SLC9B1: variants seen among roughly 807,000 people sequenced by gnomAD.
SLC9B1 encodes the protein sodium/hydrogen exchanger 9B1.
A neutral mutation model predicts 51.7 loss-of-function variants in SLC9B1; 32 were observed. The ratio of observed to expected loss-of-function variants is 0.62; its 90% CI spans 0.47 to 0.83. SLC9B1 has a LOEUF of 0.83. Ranked by LOEUF, SLC9B1 falls within the 40% of genes least tolerant of loss-of-function variation. The pLI is 0.00. For synonymous variants in SLC9B1, 145 were observed against 212.7 expected (o/e 0.68, Z 2.77); for missense variants, 406 against 613.2 (o/e 0.66, Z 3.57).
chr4:102,946,034 T>C (rs1435664468), intron 5 of SLC9B1, among the ~76,000 whole-genome samples: 3 of 152,052 alleles, frequency 2.0e-5, no homozygotes, highest in African/African-American at 4.8e-5. Context: ...ATTACTGAAA[T>C]CCTTAATCTC....
At chr4:102,983,465 T>C (rs1052793725) in intron 3 of SLC9B1, among the ~76,000 whole-genome samples, 7 of 152,196 alleles carry the variant, frequency 4.6e-5, no homozygotes, top group African/African-American at 7.2e-5. Flanking sequence ...GAAAATTGTA[T>C]AATTTCATCC....
chr4:102,939,446 C>G (rs750693664), intron 6 of SLC9B1, among the ~76,000 whole-genome samples: 6 of 132,984 alleles, frequency 4.5e-5, no homozygotes, highest in Non-Finnish European at 9.5e-5. Context: ...CAGGACCCAA[C>G]AGATTCACAG....
chr4:102,915,851 GT>G (rs1735552146), intron 7 of SLC9B1, among the ~76,000 whole-genome samples: 1 of 152,136 alleles, frequency 6.6e-6, no homozygotes, highest in South Asian at 2.1e-4. Context: ...AAGTTAAGTT[GT>G]TGTCAATTTA....
chr4:102,940,261 C>CA (rs1033673435), intron 6 of SLC9B1, among the ~76,000 whole-genome samples: 13 of 152,102 alleles, frequency 8.5e-5, no homozygotes, highest in African/African-American at 2.9e-4. Context: ...ACAATAGCCA[C>CA]AAAAAAACTA....
Position 102,993,998 on chromosome 4 carries a change from T to C in SLC9B1, c.-1-2286A>G, listed in dbSNP as rs1051611343. 2.6e-5 allele frequency among the ~76,000 whole-genome samples: 4 copies of C among 152,080 alleles called. No individual in the cohort carries two copies. The South Asian group carries it at 8.3e-4, about 32-fold the overall frequency. On this transcript the variant is annotated intron_variant, in intron 1 of 11. Transcript: ENST00000296422. Reference sequence around the variant, plus strand: ...CACAAAGCCATTTTTCCCTCCTAGGTCTCCAGGCCTGTGATGGGAGGGGCT... The same window carrying C: ...CACAAAGCCATTTTTCCCTCCTAGGCCTCCAGGCCTGTGATGGGAGGGGCT...
At chr4:102,962,137 G>A (rs955024801) in intron 3 of SLC9B1, 14 of 445,480 alleles carry the variant, frequency 3.1e-5, no homozygotes, top group African/African-American at 2.4e-4. Context: ...GATATTCTGA[G>A]CTTGGCTATG....
downstream of SLC9B1, chr4:102,897,973 G>A (rs1734616439): frequency 5.2e-6 from 2 of 386,842 alleles, no homozygotes; most frequent in Non-Finnish European, 1.0e-5. Context: ...AAGAACCTTT[G>A]ACTTCCATGA....
At chr4:103,009,935 G>A (rs998416669) in intron 1 of SLC9B1, among the ~76,000 whole-genome samples, 2 of 151,988 alleles carry the variant, frequency 1.3e-5, no homozygotes, top group African/African-American at 4.8e-5. Flanking sequence ...TTAAGATAAT[G>A]ACTACCTAGT....
intron 3 of SLC9B1, among the ~76,000 whole-genome samples, chr4:102,966,922 A>G (rs1738460279): frequency 6.6e-6 from 1 of 152,060 alleles, no homozygotes; most frequent in Admixed American, 6.6e-5. Context: ...GCTGCTCTAT[A>G]TTTTGCTTAG....
chr4:102,885,980 T>C, intron 11 of SLC9B1, among the ~76,000 whole-genome samples: 1 of 152,216 alleles, frequency 6.6e-6, no homozygotes, highest in South Asian at 2.1e-4. Context: ...CTATAAGTAG[T>C]TGACAAAATC....
chr4:102,995,572 C>G (rs1359977904), intron 1 of SLC9B1, among the ~76,000 whole-genome samples: 2 of 152,096 alleles, frequency 1.3e-5, no homozygotes, highest in Admixed American at 1.3e-4. Flanking sequence ...AATAGATGCA[C>G]AGGTTAATAG....
rs775536136 is a variant in SLC9B1 at position 102,931,151 on chromosome 4, G to A, written c.829+973C>T. Reference sequence around the variant, plus strand: ...TGAGGCAGGAGAATGGCGTGAACCCGGGAGGCAGAGCATGCAGTGAGCCGA... The same window carrying A: ...TGAGGCAGGAGAATGGCGTGAACCCAGGAGGCAGAGCATGCAGTGAGCCGA... On this transcript the variant is annotated intron_variant, in intron 7 of 11. Coordinates refer to ENST00000296422, the MANE Select transcript of SLC9B1 (RefSeq NM_139173.4). Among the ~76,000 whole-genome samples the A allele has an allele frequency of 2.9e-4, 44 of 151,818 alleles. 1 individual carries two copies. Among genetic ancestry groups the A allele is most frequent in the South Asian group, 2.5e-3 (12 of 4,798 alleles).
At position 102,919,754 on chromosome 4, in the gene SLC9B1, C is replaced by T. The variant is rs557668373; in HGVS notation, c.830-8217G>A. Among the ~76,000 whole-genome samples the T allele has an allele frequency of 7.7e-4, 117 of 152,332 alleles. 3 individuals carry two copies. The South Asian group carries it at 0.023, about 30-fold the overall frequency. On this transcript the variant is annotated intron_variant, in intron 7 of 11. Transcript: ENST00000296422. ...AGCAACTAGCAGACAAGATGATTCT[C>T]TCCCGTGCCTGGCTCAGCGGGTCCC...
At chr4:102,967,828 A>T (rs4365729) in intron 3 of SLC9B1, among the ~76,000 whole-genome samples, 16,866 of 152,194 alleles carry the variant, frequency 0.11, 1,014 homozygotes, top group Admixed American at 0.15. Flanking sequence ...TAAGTGCAAA[A>T]CCTTTGCACT....
At chr4:102,972,020 G>A (rs1738790321) in intron 3 of SLC9B1, among the ~76,000 whole-genome samples, 2 of 152,040 alleles carry the variant, frequency 1.3e-5, no homozygotes. Flanking sequence ...ACAAAAAAAA[G>A]TCCAGGACCA....
intron 1 of SLC9B1, among the ~76,000 whole-genome samples, chr4:103,004,171 G>T (rs943211541): frequency 6.6e-6 from 1 of 152,114 alleles, no homozygotes; most frequent in African/African-American, 2.4e-5. Flanking sequence ...GAACCCCAAT[G>T]CAAGGATTCT....
chr4:102,969,569 G>C (rs577338332), intron 3 of SLC9B1, among the ~76,000 whole-genome samples: 70 of 152,318 alleles, frequency 4.6e-4, no homozygotes, highest in Non-Finnish European at 8.8e-4. Context: ...AAAAACCAGA[G>C]TGCCTCTTCT....
At chr4:102,888,003 AAC>A (rs1216883894) in intron 11 of SLC9B1, 2 of 153,676 alleles carry the variant, frequency 1.3e-5, no homozygotes, top group Non-Finnish European at 2.9e-5. Flanking sequence ...TCCATTGAGG[AAC>A]AGTTATTTAC....
At chr4:102,889,004 CTAATT>C (rs1734087784) in intron 11 of SLC9B1, 1 of 152,170 alleles carries the variant, frequency 6.6e-6, no homozygotes, top group Non-Finnish European at 1.5e-5. Context: ...AGAAATAAAA[CTAATT>C]GTTATTGGGC....
Sources: gnomAD v4.1 joint callset for allele counts (sites outside exome capture counted in the v4.1 genomes callset) on GRCh38, gnomAD v4.1.1 for gene constraint, MANE v1.5 for transcripts, NCBI Gene and HGNC (gene_info 2026-07-23, HGNC 2026-07-21) for gene names.